RBFOX3: variants seen among roughly 807,000 people sequenced by gnomAD.
The protein encoded by RBFOX3 is RNA binding protein fox-1 homolog 3.
In RBFOX3, 17 loss-of-function variants were observed where a neutral mutation model predicts 48.7. That is an observed-to-expected ratio of 0.35 (90% CI 0.24 to 0.52). The LOEUF (loss-of-function observed/expected upper bound fraction) is 0.52. Ranked by LOEUF, RBFOX3 falls within the 20% of genes least tolerant of loss-of-function variation. The pLI, the probability that RBFOX3 is intolerant of heterozygous loss-of-function variation, is 0.94. For synonymous variants in RBFOX3, 212 were observed against 209.5 expected (o/e 1.01, Z -0.10); for missense variants, 382 against 497.5 (o/e 0.77, Z 2.21).
chr17:79,592,675 C>T (rs980861499), intron 1 of RBFOX3, among the ~76,000 whole-genome samples: 11 of 152,182 alleles, frequency 7.2e-5, no homozygotes, highest in South Asian at 2.1e-4. Context: ...CCCAGGACTG[C>T]GGGCTCAGGA....
chr17:79,405,151 G>A (rs2063373530), intron 2 of RBFOX3, among the ~76,000 whole-genome samples: 5 of 151,928 alleles, frequency 3.3e-5, no homozygotes, highest in African/African-American at 9.7e-5. Flanking sequence ...CAATATATTC[G>A]AACATATGGA....
intron 1 of RBFOX3, among the ~76,000 whole-genome samples, chr17:79,562,350 G>A (rs989159201): frequency 9.9e-5 from 15 of 152,258 alleles, no homozygotes; most frequent in Non-Finnish European, 1.6e-4. Context: ...CCTCTCTTGA[G>A]TACTTGAGCC....
chr17:79,482,353 C>G lies in RBFOX3; in HGVS notation c.-175+101G>C, dbSNP rs1360228322. ...AGAGCAGCACAGAACGCCCCTACCC[C>G]ACAACCCTTGCTGGAAAATCAAATC... On this transcript the variant is annotated intron_variant, in intron 2 of 14. Transcript: ENST00000693108. The surrounding 1 kb of genome is among the most constrained non-coding windows in gnomAD (Gnocchi z 4.1). 1 of 152,240 alleles carries G rather than the reference C, an allele frequency of 6.6e-6. No homozygotes were observed. The highest frequency in any genetic ancestry group is 2.4e-5 in the African/African-American group (1 of 41,440). 9.4% of individuals were successfully genotyped at this position (152,240 alleles called of 1,614,324 possible).
In RBFOX3 at chr17:79,090,897, A is replaced by G; in HGVS notation, c.1078-12T>C. ...GGTGGAAGGTTTCACTACAACAGAA[A>G]CAGAAAGGCAGGACTTGCAGCTTCT... On this transcript the variant is annotated splice_polypyrimidine_tract_variant and intron_variant, in intron 14 of 14. Transcript: ENST00000693108. 6.5e-7 allele frequency: 1 copy of G among 1,532,094 alleles called. No homozygotes were observed. Among genetic ancestry groups the G allele is most frequent in the Non-Finnish European group, 8.8e-7 (1 of 1,140,012 alleles). 94.9% of individuals were successfully genotyped at this position (1,532,094 alleles called of 1,614,324 possible).
intron 1 of RBFOX3, among the ~76,000 whole-genome samples, chr17:79,497,535 T>C (rs1028515158): frequency 9.2e-5 from 14 of 152,240 alleles, no homozygotes; most frequent in Non-Finnish European, 1.6e-4. Context: ...CTACCAGCAG[T>C]GGCAGGAAGG....
the RBFOX3 span, among the ~76,000 whole-genome samples, chr17:79,653,902 AG>A: frequency 6.8e-6 from 1 of 146,298 alleles, no homozygotes; most frequent in Non-Finnish European, 1.5e-5. Context: ...AAAAAAAAAA[AG>A]TTAATTCAGC....
At chr17:79,187,223 G>A (rs937385209) in intron 4 of RBFOX3, among the ~76,000 whole-genome samples, 4 of 152,170 alleles carry the variant, frequency 2.6e-5, no homozygotes, top group Non-Finnish European at 4.4e-5. Context: ...GGTGGCAAGT[G>A]GCAAATCATA....
intron 1 of RBFOX3, among the ~76,000 whole-genome samples, chr17:79,510,677 T>A (rs2084005892): frequency 1.3e-5 from 2 of 152,168 alleles, no homozygotes; most frequent in South Asian, 4.1e-4. Flanking sequence ...CACCAGTGCA[T>A]CTTAAACAGG....
chr17:79,290,858 C>T (rs1173666827), intron 3 of RBFOX3, among the ~76,000 whole-genome samples: 3 of 152,174 alleles, frequency 2.0e-5, no homozygotes, highest in African/African-American at 7.2e-5. Flanking sequence ...GCCACTCTGC[C>T]CTTGACACCC....
intron 3 of RBFOX3, among the ~76,000 whole-genome samples, chr17:79,300,689 G>A (rs993703363): frequency 2.0e-5 from 3 of 152,124 alleles, no homozygotes; most frequent in African/African-American, 7.2e-5. Flanking sequence ...TATTATTGTT[G>A]TTTTGCCTGA....
At chr17:79,396,447 CCT>C (rs2062003504) in intron 2 of RBFOX3, among the ~76,000 whole-genome samples, 1 of 152,196 alleles carries the variant, frequency 6.6e-6, no homozygotes. Context: ...CTGAAATAAA[CCT>C]CTGTCTTCTC....
At chr17:79,294,918 A>G (rs1164773699) in intron 3 of RBFOX3, among the ~76,000 whole-genome samples, 2 of 152,138 alleles carry the variant, frequency 1.3e-5, no homozygotes, top group Non-Finnish European at 2.9e-5. Context: ...AGAGCTTTCT[A>G]AAGTTTTGTC....
At position 79,137,917 on chromosome 17, in the gene RBFOX3, C is replaced by T. The variant is rs916644037; in HGVS notation, c.-33-22169G>A. On this transcript the variant is annotated intron_variant, in intron 4 of 14. Transcript: ENST00000693108. ...TGCCGACGCTGCACTTTGCTGATTG[C>T]GCCTGTCAACTCGGGGCTGACAACT... Among the ~76,000 whole-genome samples, 8 of 152,180 alleles carry T rather than the reference C, an allele frequency of 5.3e-5. No homozygotes were observed. In the East Asian group the frequency reaches 1.2e-3, roughly 22 times the overall value.
At chr17:79,588,988 C>G (rs1326369219) in intron 1 of RBFOX3, among the ~76,000 whole-genome samples, 4 of 151,858 alleles carry the variant, frequency 2.6e-5, no homozygotes, top group African/African-American at 9.7e-5. Flanking sequence ...TAGTGAGACC[C>G]CATCCTGAGC....
intron 3 of RBFOX3, among the ~76,000 whole-genome samples, chr17:79,256,480 G>A (rs904359820): frequency 6.6e-6 from 1 of 152,196 alleles, no homozygotes; most frequent in Non-Finnish European, 1.5e-5. Flanking sequence ...AATGAGATAA[G>A]TACTTTGAAA....
the RBFOX3 span, among the ~76,000 whole-genome samples, chr17:79,647,348 G>A: frequency 0.015 from 2,344 of 152,104 alleles, 145 homozygotes; most frequent in Admixed American, 0.11. Flanking sequence ...TTGCCCCTTT[G>A]ACCCTCCTCT....
At chr17:79,155,919 C>A (rs2045687030) in intron 4 of RBFOX3, among the ~76,000 whole-genome samples, 1 of 152,210 alleles carries the variant, frequency 6.6e-6, no homozygotes, top group Admixed American at 6.5e-5. Flanking sequence ...CAGGCCAAAG[C>A]CTTGGTGCCA....
chr17:79,176,512 G>A (rs761836211), intron 4 of RBFOX3, among the ~76,000 whole-genome samples: 16 of 152,264 alleles, frequency 1.1e-4, no homozygotes, highest in Non-Finnish European at 1.6e-4. Context: ...GCCCCGGAGG[G>A]ACTGTGAAAC....
At chr17:79,264,751 C>T (rs1472106389) in intron 3 of RBFOX3, among the ~76,000 whole-genome samples, 3 of 152,174 alleles carry the variant, frequency 2.0e-5, no homozygotes, top group South Asian at 4.1e-4. Flanking sequence ...GGTACAGTCT[C>T]TGTGATTGGT....
Sources: gnomAD v4.1 joint callset for allele counts (sites outside exome capture counted in the v4.1 genomes callset) on GRCh38, gnomAD v4.1.1 for gene constraint, Gnocchi (gnomAD v3.1) non-coding constraint, MANE v1.5 for transcripts, NCBI Gene and HGNC (gene_info 2026-07-23, HGNC 2026-07-21) for gene names.